NECAB3: variants seen among roughly 807,000 people sequenced by gnomAD.
The protein encoded by NECAB3 is N-terminal EF-hand calcium-binding protein 3.
Under a neutral mutation model 57.2 loss-of-function variants are expected in NECAB3, and 38 were observed. That is an observed-to-expected ratio of 0.66 (90% CI 0.51 to 0.87). The LOEUF (loss-of-function observed/expected upper bound fraction) is 0.87, where lower values mean the gene tolerates loss of function less well. Ranked by LOEUF, NECAB3 falls within the 40% of genes least tolerant of loss-of-function variation. The probability of loss-of-function intolerance (pLI) is 0.00; values close to 1 mark genes in which losing one functional copy is unlikely to be tolerated. For synonymous variants in NECAB3, 223 were observed against 222.6 expected, an observed-to-expected ratio of 1.00 and a Z score of -0.02; for missense variants, 474 against 527.5, an observed-to-expected ratio of 0.90 and a Z score of 0.99.
rs375152592 is a variant in NECAB3, at chr20:33,658,708, A to G, written c.992+14T>C. The G allele has an allele frequency of 1.9e-5, 30 of 1,611,722 alleles. No homozygotes were observed. The African/African-American group carries it at 3.2e-4, about 17-fold the overall frequency. ...CTCCCCACTGGCCATCCCACCTGCC[A>G]GCTGGGGACTCACTGCAGACAATGG... On this transcript the variant is annotated intron_variant, in intron 9 of 11. Coordinates refer to ENST00000246190, the MANE Select transcript of NECAB3 (RefSeq NM_031232.4).
At chr20:33,670,043 CCAGGGACGG>C (rs2017795517) in intron 3 of NECAB3, among the ~76,000 whole-genome samples, 1 of 152,142 alleles carries the variant, frequency 6.6e-6, no homozygotes, top group African/African-American at 2.4e-5. Context: ...GCAATGAAGT[CCAGGGACGG>C]CATGGGGTAT....
chr20:33,669,220 A>C (rs2017771256), intron 5 of NECAB3, 155 bp downstream of exon 5: 2 of 662,058 alleles, frequency 3.0e-6, no homozygotes, highest in Non-Finnish European at 5.2e-6. Flanking sequence ...AAACAGGCCC[A>C]GAGAGGTCAA....
chr20:33,666,966 G>C (rs2122501412), intron 5 of NECAB3: 1 of 153,578 alleles, frequency 6.5e-6, no homozygotes, highest in South Asian at 2.1e-4. Context: ...TCCGGAGGCA[G>C]AGCCAAAGGC....
Position 33,670,781 on chromosome 20 carries a change from G to T in NECAB3, c.166C>A (p.Leu56Ile), listed in dbSNP as rs754141036. 1.2e-6 allele frequency: 2 copies of T among 1,613,792 alleles called. No homozygotes were observed. Among genetic ancestry groups the T allele is most frequent in the African/African-American group, 1.3e-5 (1 of 75,044 alleles). The change falls in exon 3 of 12, where the codon CTC (leucine) becomes ATC (isoleucine). Residue 56 changes from leucine to isoleucine, a missense_variant. Leu to Ile is a conservative substitution (Grantham distance 5). Transcript: ENST00000246190. Reference protein sequence around the residue: ...RRADKNDDGKLSFEEFQNYFA... With the variant: ...RRADKNDDGKISFEEFQNYFA... ...TAATTCTGGAATTCCTCAAATGAGAGCTTCCCATCATCTGGGGTGGCAGGG... is the reference window on the plus strand; with the variant it reads ...TAATTCTGGAATTCCTCAAATGAGATCTTCCCATCATCTGGGGTGGCAGGG...
intron 3 of NECAB3, chr20:33,670,131 C>A: frequency 5.2e-6 from 1 of 191,624 alleles, no homozygotes; most frequent in South Asian, 1.4e-4. Context: ...GGACAAGGAA[C>A]TGGGTGGGGA....
At chr20:33,668,020 T>C (rs567580963) in intron 5 of NECAB3, 1 of 1,542,664 alleles carries the variant, frequency 6.5e-7, no homozygotes, top group Admixed American at 2.0e-5. Flanking sequence ...GTTTCCTGGC[T>C]TCGCCGAGCG....
chr20:33,672,418 A>C lies in NECAB3; in HGVS notation c.134T>G (p.Phe45Cys). The change falls in exon 2 of 12, where the codon TTC becomes TGC. Residue 45 changes from phenylalanine (F) to cysteine (C), a missense_variant. Transcript: ENST00000246190. ...CTCACCATTCTTGTCTGCTCTGCGG[A>C]AAACCTAGAGGACAAAGGGACATAG... ...PAGHTLFQDVFRRADKNDDGK... is the reference protein window; with the variant it reads ...PAGHTLFQDVCRRADKNDDGK... 1 of 1,614,166 alleles carries C rather than the reference A, an allele frequency of 6.2e-7. No individual in the cohort carries two copies.
chr20:33,667,243 G>A, intron 5 of NECAB3: 1 of 402,798 alleles, frequency 2.5e-6, no homozygotes, highest in Non-Finnish European at 4.3e-6. Context: ...GCCCAGCTGG[G>A]ACCGGCCGGT....
intron 5 of NECAB3, chr20:33,667,716 C>T: frequency 6.2e-7 from 1 of 1,612,232 alleles, no homozygotes; most frequent in Non-Finnish European, 8.5e-7. Context: ...AGGCCCTGCC[C>T]CGCAAGGCCA....
intron 5 of NECAB3, chr20:33,663,786 C>T (rs1279443607): frequency 2.8e-6 from 4 of 1,427,882 alleles, no homozygotes; most frequent in Non-Finnish European, 3.6e-6. Flanking sequence ...GCTTCCGGTC[C>T]CCGGGGAAGG....
intron 8 of NECAB3, among the ~76,000 whole-genome samples, 197 bp downstream of exon 8, chr20:33,659,300 A>G (rs1168376346): frequency 1.3e-5 from 2 of 152,214 alleles, no homozygotes; most frequent in African/African-American, 4.8e-5. Flanking sequence ...GCTTTCGGAA[A>G]TGCTGATGGG....
intron 5 of NECAB3, chr20:33,665,460 G>C (rs1202015994): frequency 7.9e-6 from 1 of 126,284 alleles, no homozygotes; most frequent in Non-Finnish European, 1.6e-5. Flanking sequence ...AAGAGAGCGA[G>C]ACTCCATCTC....
chr20:33,672,349 ATGCCTCCCACCC>A, intron 2 of NECAB3, 37 bp downstream of exon 2: 3 of 1,611,894 alleles, frequency 1.9e-6, no homozygotes, highest in Non-Finnish European at 2.5e-6. Flanking sequence ...GGCCTCCTGG[ATGCCTCCCACCC>A]TGCCCCACTG....
At chr20:33,666,282 G>T (rs1037441440) in intron 5 of NECAB3, among the ~76,000 whole-genome samples, 1 of 152,184 alleles carries the variant, frequency 6.6e-6, no homozygotes, top group African/African-American at 2.4e-5. Context: ...ATAATTCTAA[G>T]TGGTTTGGGA....
intron 5 of NECAB3, chr20:33,667,922 C>G (rs753115770): frequency 6.4e-7 from 1 of 1,564,608 alleles, no homozygotes; most frequent in South Asian, 1.2e-5. Flanking sequence ...GGGCTGCCCG[C>G]GCTGGCCTTC....
At chr20:33,672,957 C>G (rs1251228123) in intron 1 of NECAB3, among the ~76,000 whole-genome samples, 1 of 152,192 alleles carries the variant, frequency 6.6e-6, no homozygotes, top group Non-Finnish European at 1.5e-5. Context: ...GAGTTACCCA[C>G]TAGCAAATAG....
intron 5 of NECAB3, chr20:33,668,242 C>A (rs2017742272): frequency 6.4e-7 from 1 of 1,570,488 alleles, no homozygotes; most frequent in South Asian, 1.2e-5. Flanking sequence ...CTGAGTCAGG[C>A]TGGACTGGGG....
intron 5 of NECAB3, chr20:33,667,687 A>T: frequency 1.9e-6 from 3 of 1,611,900 alleles, no homozygotes; most frequent in Non-Finnish European, 2.5e-6. Flanking sequence ...GGTGGCGGCG[A>T]ACCCTGACCT....
At chr20:33,666,492 C>T (rs1256414611) in intron 5 of NECAB3, 1 of 152,412 alleles carries the variant, frequency 6.6e-6, no homozygotes, top group Non-Finnish European at 1.5e-5. Context: ...CTCCCCTCTC[C>T]ACAACCAGGA....
Sources: gnomAD v4.1 joint callset for allele counts (sites outside exome capture counted in the v4.1 genomes callset) on GRCh38, gnomAD v4.1.1 for gene constraint, MANE v1.5 for transcripts, NCBI Gene and HGNC (gene_info 2026-07-23, HGNC 2026-07-21) for gene names.